Variants in SLC8A1 observed in about 807,000 individuals in gnomAD.
SLC8A1 encodes the protein solute carrier family 8 member A1.
Under a neutral mutation model 68.3 loss-of-function variants are expected in SLC8A1, and 18 were observed. The observed-to-expected ratio is 0.26, with a 90% CI of 0.18 to 0.39. SLC8A1 has a LOEUF of 0.39. Ranked by LOEUF, SLC8A1 falls within the 10% of genes least tolerant of loss-of-function variation. SLC8A1 has a pLI of 1.00. For missense variants in SLC8A1, 985 were observed against 1,156.7 expected (o/e 0.85, Z 2.15); for synonymous variants, 475 against 415.5 (o/e 1.14, Z -1.74).
rs2076305933 is a variant in SLC8A1, at chr2:40,330,557, A to G, written c.1808+97916T>C. Among the ~76,000 whole-genome samples, 4 of 152,164 alleles carry G rather than the reference A, an allele frequency of 2.6e-5. No homozygotes were observed. In the South Asian group the frequency reaches 8.3e-4, roughly 32 times the overall value. ...CATTTCTGATGTTTTCCCTGAATTT[A>G]CACATCAGTCCATTATTCCAAGCAG... On this transcript the variant is annotated intron_variant, in intron 2 of 7. Transcript: ENST00000406785.
intron 1 of SLC8A1, among the ~76,000 whole-genome samples, chr2:40,497,127 G>GA (rs1230022914): frequency 6.6e-6 from 1 of 151,900 alleles, no homozygotes; most frequent in Non-Finnish European, 1.5e-5. Flanking sequence ...AGAATGCAAA[G>GA]AAAAAATAGG....
intron 2 of SLC8A1, among the ~76,000 whole-genome samples, chr2:40,211,821 C>A (rs750652988): frequency 6.6e-6 from 1 of 152,098 alleles, no homozygotes; most frequent in Non-Finnish European, 1.5e-5. Flanking sequence ...GATACAGAAT[C>A]CGGATCACTT....
intron 2 of SLC8A1, among the ~76,000 whole-genome samples, chr2:40,326,740 C>CT (rs1161695881): frequency 3.3e-5 from 5 of 152,162 alleles, no homozygotes; most frequent in Non-Finnish European, 7.4e-5. Flanking sequence ...CTAGTAATGA[C>CT]TTGCATATTT....
chr2:40,435,701 G>C (rs988774142), intron 1 of SLC8A1, among the ~76,000 whole-genome samples: 1 of 152,100 alleles, frequency 6.6e-6, no homozygotes, highest in African/African-American at 2.4e-5. Context: ...ATAAAATAAC[G>C]AAGTTGTTGA....
chr2:40,425,455 G>C (rs925455441), intron 2 of SLC8A1, among the ~76,000 whole-genome samples: 2 of 151,736 alleles, frequency 1.3e-5, no homozygotes, highest in East Asian at 3.9e-4. Context: ...TTCTACCTTT[G>C]TTAGGGACTT....
chr2:40,154,137 G>A (rs186417766), intron 6 of SLC8A1, among the ~76,000 whole-genome samples: 1 of 152,030 alleles, frequency 6.6e-6, no homozygotes, highest in East Asian at 1.9e-4. Flanking sequence ...AACCACTCTG[G>A]GCCTCAGGAT....
intron 1 of SLC8A1, among the ~76,000 whole-genome samples, chr2:40,484,060 A>G (rs1371759744): frequency 1.3e-5 from 2 of 152,246 alleles, no homozygotes; most frequent in African/African-American, 4.8e-5. Flanking sequence ...GTTCCAATGC[A>G]TAGAGAGGGT....
exon 8 of SLC8A1, chr2:40,100,715 G>A (rs771253582): frequency 6.6e-6 from 1 of 152,112 alleles, no homozygotes; most frequent in Non-Finnish European, 1.5e-5. Context: ...GAAAAGAGCC[G>A]ATGAGAAAAT....
intron 2 of SLC8A1, among the ~76,000 whole-genome samples, chr2:40,416,416 T>A (rs1461702927): frequency 6.6e-6 from 1 of 152,180 alleles, no homozygotes; most frequent in Non-Finnish European, 1.5e-5. Context: ...TGTTTCTTTT[T>A]GGCAAATAAC....
rs911118692 is a variant in SLC8A1, at chr2:40,458,695, C to A, written c.-24-28391G>T. ...ACACAGAGACAGCAATCTGACCGAG[C>A]CTCAGGCTTGAGTTTGTAAACTAAC... On this transcript the variant is annotated intron_variant, in intron 1 of 7. Transcript: ENST00000402441. 2.0e-5 allele frequency among the ~76,000 whole-genome samples: 3 copies of A among 152,034 alleles called. No individual in the cohort carries two copies. The South Asian group carries it at 6.2e-4, about 32-fold the overall frequency.
intron 2 of SLC8A1, among the ~76,000 whole-genome samples, chr2:40,373,802 T>C (rs1678928124): frequency 6.6e-6 from 1 of 152,092 alleles, no homozygotes; most frequent in South Asian, 2.1e-4. Flanking sequence ...TTTCATTGTA[T>C]GTATCTGCAC....
intron 1 of SLC8A1, among the ~76,000 whole-genome samples, chr2:40,481,214 T>C (rs1331235582): frequency 6.6e-6 from 1 of 152,196 alleles, no homozygotes; most frequent in Non-Finnish European, 1.5e-5. Flanking sequence ...TAGGGAGGAA[T>C]GGATATAAAA....
intron 2 of SLC8A1, among the ~76,000 whole-genome samples, chr2:40,427,570 T>C (rs1228006449): frequency 6.6e-6 from 1 of 151,986 alleles, no homozygotes; most frequent in Non-Finnish European, 1.5e-5. Context: ...TTTTGGTGAG[T>C]TGAGTGCAAC....
At chr2:40,460,200 G>T (rs1406116523) in intron 1 of SLC8A1, among the ~76,000 whole-genome samples, 1 of 152,068 alleles carries the variant, frequency 6.6e-6, no homozygotes, top group Non-Finnish European at 1.5e-5. Flanking sequence ...CTTAAGAAAG[G>T]ATTTAATTTT....
chr2:40,188,340 G>C (rs1426918736), intron 2 of SLC8A1, among the ~76,000 whole-genome samples: 1 of 152,180 alleles, frequency 6.6e-6, no homozygotes, highest in Non-Finnish European at 1.5e-5. Flanking sequence ...TTGTGGCAAA[G>C]AGCATCTTTT....
At chr2:40,154,422 G>C (rs1321448235) in intron 6 of SLC8A1, among the ~76,000 whole-genome samples, 1 of 145,830 alleles carries the variant, frequency 6.9e-6, no homozygotes, top group Non-Finnish European at 1.5e-5. Flanking sequence ...TCCCGCCTCA[G>C]CTTCCCGAGT....
intron 2 of SLC8A1, among the ~76,000 whole-genome samples, chr2:40,196,758 C>G (rs919385141): frequency 2.0e-5 from 3 of 152,016 alleles, no homozygotes. Context: ...ATTTAAACCG[C>G]TCATGAAATT....
intron 2 of SLC8A1, among the ~76,000 whole-genome samples, chr2:40,311,696 TG>T (rs1223978499): frequency 1.3e-5 from 2 of 152,138 alleles, no homozygotes; most frequent in African/African-American, 2.4e-5. Flanking sequence ...TATAATTTTT[TG>T]TTGTTTTGTT....
chr2:40,172,931 A>ACTC (rs1392632819), intron 4 of SLC8A1, among the ~76,000 whole-genome samples: 1 of 151,982 alleles, frequency 6.6e-6, no homozygotes, highest in Non-Finnish European at 1.5e-5. Context: ...ACAGAGTGAG[A>ACTC]CTCCATCTCA....
Sources: allele counts gnomAD v4.1 joint callset (sites outside exome capture counted in the v4.1 genomes callset), GRCh38; gene constraint gnomAD v4.1.1; transcripts MANE v1.5; gene names NCBI Gene and HGNC (gene_info 2026-07-23, HGNC 2026-07-21).